Variants in DNAJB1 observed in about 807,000 individuals in gnomAD.
DNAJB1 encodes the protein dnaJ homolog subfamily B member 1.
A neutral mutation model predicts 24.0 loss-of-function variants in DNAJB1; 14 were observed. That is an observed-to-expected ratio of 0.58 (90% CI 0.39 to 0.91). The LOEUF is 0.91. Among genes scored for constraint, DNAJB1 ranks in the 40% least tolerant of loss-of-function variants. The pLI is 0.00. For synonymous variants in DNAJB1, 262 were observed against 174.4 expected (o/e 1.50, Z -3.96); for missense variants, 517 against 458.1 (o/e 1.13, Z -1.17).
upstream of DNAJB1, chr19:14,530,524 A>T (rs553414751): frequency 6.6e-6 from 1 of 152,322 alleles, no homozygotes; most frequent in South Asian, 2.1e-4. Flanking sequence ...GCAAGTGCTT[A>T]CTCTTGTGCT....
chr19:14,531,742 C>T (rs2072675866), upstream of DNAJB1: 1 of 152,136 alleles, frequency 6.6e-6, no homozygotes. Context: ...CTTTAACCCA[C>T]AAATCCTGTA....
At chr19:14,528,891 C>T (rs1046148972) in intron 1 of DNAJB1, among the ~76,000 whole-genome samples, 7 of 152,098 alleles carry the variant, frequency 4.6e-5, no homozygotes, top group Admixed American at 1.3e-4. Flanking sequence ...TTGCGTGAGC[C>T]GTCATTGCGC....
At position 14,518,249 on chromosome 19, in the gene DNAJB1, T is replaced by G; in HGVS notation, c.101A>C (p.Asp34Ala). 6.2e-7 allele frequency: 1 copy of G among 1,608,642 alleles called. No individual in the cohort carries two copies. Among genetic ancestry groups the G allele is most frequent in the East Asian group, 2.3e-5 (1 of 43,954 alleles). ...YRRQALRYHPDKNKEPGAEEK... is the reference protein window; with the variant it reads ...YRRQALRYHPAKNKEPGAEEK... ...CTCGGCGCCGGGCTCCTTGTTCTTG[T>G]CCGGGTGGTAGCGCAGCGCCTGGCG... The change falls in exon 1 of 3, where the codon GAC becomes GCC. Residue 34 changes from aspartate to alanine, a missense_variant. Transcript: ENST00000254322.
chr19:14,551,095 G>A (rs565328960), upstream of DNAJB1, among the ~76,000 whole-genome samples: 1 of 150,812 alleles, frequency 6.6e-6, no homozygotes, highest in Admixed American at 6.6e-5. Flanking sequence ...TTTTTGATAT[G>A]GAGTCTTGCT....
upstream of DNAJB1, chr19:14,532,011 A>G (rs1218746406): frequency 4.7e-5 from 6 of 126,334 alleles, no homozygotes; most frequent in African/African-American, 2.2e-4. Context: ...TGTTTGAAGA[A>G]AAAAAAAAAA....
At chr19:14,521,714 T>C (rs1244954580), upstream of DNAJB1, among the ~76,000 whole-genome samples, 1 of 152,080 alleles carries the variant, frequency 6.6e-6, no homozygotes, top group African/African-American at 2.4e-5. Context: ...CTCCGCCTCC[T>C]GGGTTCAAGT....
rs200420786 is a variant in DNAJB1, at chr19:14,538,362, GC to G, written c.-213-10553del. 1.8e-4 allele frequency among the ~76,000 whole-genome samples: 27 copies of G among 152,160 alleles called. No individual in the cohort carries two copies. The East Asian group carries it at 5.0e-3, about 28-fold the overall frequency. On this transcript the variant is annotated intron_variant, in intron 1 of 3. Coordinates refer to the DNAJB1 transcript ENST00000676982. ...GAGGCCAGGATAACGACACCTGGGG[GC>G]CTGTGGGGGAGTGTGAAGTGCTCAG...
Position 14,535,725 on chromosome 19 carries a change from C to T in DNAJB1, c.-213-7915G>A, listed in dbSNP as rs1397769992. 4.6e-5 allele frequency among the ~76,000 whole-genome samples: 6 copies of T among 130,534 alleles called. No homozygotes were observed. In the South Asian group the frequency reaches 7.7e-4, roughly 17 times the overall value. The allele number at this position is 130,534 out of a possible 152,430, so 85.6% of individuals were successfully genotyped here. A position where few individuals can be genotyped will look rare whatever the true frequency, so the allele number is the denominator to read the frequency against. On this transcript the variant is annotated intron_variant, in intron 1 of 3. Coordinates refer to the DNAJB1 transcript ENST00000676982. ...GAGCTGAGATCGCACCACTGCATTC[C>T]GGTCCTGGGCAACAGAGTGAGACTC...
At chr19:14,521,320 G>A (rs2072356660), upstream of DNAJB1, among the ~76,000 whole-genome samples, 1 of 151,984 alleles carries the variant, frequency 6.6e-6, no homozygotes, top group African/African-American at 2.4e-5. Flanking sequence ...TTAGTCGGGT[G>A]CGGTGGCAGG....
chr19:14,516,246 T>C (rs577153117), intron 2 of DNAJB1, 76 bp from the exon 3 acceptor site: 27 of 1,515,366 alleles, frequency 1.8e-5, no homozygotes, highest in Non-Finnish European at 2.3e-5. Flanking sequence ...CCGTCTGCCA[T>C]AGATAAGACC....
chr19:14,529,451 A>G (rs1023208419), upstream of DNAJB1: 6 of 636,524 alleles, frequency 9.4e-6, no homozygotes, highest in Non-Finnish European at 1.7e-5. Context: ...TGGTCTCGCA[A>G]GTTGATTGGT....
intron 2 of DNAJB1, 80 bp downstream of exon 2, chr19:14,516,386 C>T (rs2072262117): frequency 4.1e-6 from 6 of 1,476,900 alleles, no homozygotes; most frequent in Non-Finnish European, 3.7e-6. Context: ...CACACCCCAA[C>T]ACATTGGTTC....
At chr19:14,538,362 G>T (rs1267583250) in intron 1 of DNAJB1, among the ~76,000 whole-genome samples, 1 of 152,042 alleles carries the variant, frequency 6.6e-6, no homozygotes. Context: ...ACACCTGGGG[G>T]CCTGTGGGGG....
At chr19:14,550,303 T>C (rs901883055) in exon 1 of DNAJB1, among the ~76,000 whole-genome samples, 4 of 152,138 alleles carry the variant, frequency 2.6e-5, no homozygotes, top group Admixed American at 2.0e-4. Context: ...TGGTGTTAGC[T>C]GCCGCCGCGT....
chr19:14,539,570 A>G (rs1049010203), intron 1 of DNAJB1, among the ~76,000 whole-genome samples: 1 of 151,968 alleles, frequency 6.6e-6, no homozygotes, highest in African/African-American at 2.4e-5. Context: ...TTAGTGTGCC[A>G]TGGCTCAGAA....
intron 1 of DNAJB1, chr19:14,545,229 C>G (rs1475038959): frequency 2.2e-6 from 1 of 456,614 alleles, no homozygotes; most frequent in Non-Finnish European, 4.4e-6. Flanking sequence ...TGCTGCTTAG[C>G]TGCTCCCCCT....
upstream of DNAJB1, among the ~76,000 whole-genome samples, chr19:14,520,971 T>A (rs368695726): frequency 6.6e-6 from 1 of 152,160 alleles, no homozygotes; most frequent in African/African-American, 2.4e-5. Context: ...CCAGCCTGGA[T>A]GACAGTGAGA....
upstream of DNAJB1, among the ~76,000 whole-genome samples, chr19:14,519,508 G>A: frequency 6.6e-6 from 1 of 152,206 alleles, no homozygotes; most frequent in Non-Finnish European, 1.5e-5. Context: ...GGATCTGGAC[G>A]GAAGCGCATC....
upstream of DNAJB1, among the ~76,000 whole-genome samples, chr19:14,534,235 C>T (rs1275315417): frequency 6.6e-6 from 1 of 151,674 alleles, no homozygotes; most frequent in Non-Finnish European, 1.5e-5. Context: ...CGCCATTCTC[C>T]TGCCTCAGCC....
Sources: gnomAD v4.1 joint callset for allele counts (sites outside exome capture counted in the v4.1 genomes callset) on GRCh38, gnomAD v4.1.1 for gene constraint, MANE v1.5 for transcripts, NCBI Gene and HGNC (gene_info 2026-07-23, HGNC 2026-07-21) for gene names.